SOX6: variants seen among roughly 807,000 people sequenced by gnomAD.
The protein encoded by SOX6 is SRY-box transcription factor 6.
Under a neutral mutation model 97.8 loss-of-function variants are expected in SOX6, and 11 were observed. That is an observed-to-expected ratio of 0.11 (90% CI 0.07 to 0.19). The LOEUF (loss-of-function observed/expected upper bound fraction) is 0.19. Among genes scored for constraint, SOX6 ranks in the 10% least tolerant of loss-of-function variants. The pLI, the probability that SOX6 is intolerant of heterozygous loss-of-function variation, is 1.00. For missense variants in SOX6, 810 were observed against 1,039.5 expected (o/e 0.78, Z 3.04); for synonymous variants, 360 against 371.4 (o/e 0.97, Z 0.35).
intron 1 of SOX6, among the ~76,000 whole-genome samples, chr11:16,367,738 G>A (rs297324): frequency 0.63 from 95,438 of 151,970 alleles, 30,878 homozygotes; most frequent in Non-Finnish European, 0.72. Flanking sequence ...TCAAAATGGC[G>A]CAATGGCTAA....
At chr11:16,620,082 T>C (rs1389452057) in intron 3 of SOX6, among the ~76,000 whole-genome samples, 1 of 152,146 alleles carries the variant, frequency 6.6e-6, no homozygotes, top group African/African-American at 2.4e-5. Context: ...TAGTCCTTGA[T>C]ATTATATTAG....
At chr11:16,723,112 T>C (rs1227323220) in intron 2 of SOX6, among the ~76,000 whole-genome samples, 5 of 152,060 alleles carry the variant, frequency 3.3e-5, no homozygotes, top group Non-Finnish European at 1.5e-5. Context: ...AAAGAAAATA[T>C]AGTACATATA....
intron 13 of SOX6, among the ~76,000 whole-genome samples, chr11:16,008,635 G>A (rs1028709347): frequency 1.3e-5 from 2 of 152,062 alleles, no homozygotes; most frequent in Non-Finnish European, 2.9e-5. Context: ...ACATCACTTG[G>A]AGGGTTCAAT....
intron 6 of SOX6, among the ~76,000 whole-genome samples, chr11:16,178,468 C>T (rs1246919620): frequency 6.6e-6 from 1 of 151,902 alleles, no homozygotes; most frequent in Admixed American, 6.6e-5. Flanking sequence ...CAATTAAAAA[C>T]AGCATACAGC....
chr11:16,641,873 G>A (rs1470099924), intron 3 of SOX6, among the ~76,000 whole-genome samples: 1 of 152,182 alleles, frequency 6.6e-6, no homozygotes, highest in East Asian at 1.9e-4. Context: ...TTGCCAGTCT[G>A]TGTCTTTTAA....
chr11:16,720,761 A>G lies in SOX6; in HGVS notation n.354-5856T>C, dbSNP rs145589330. ...GAAATACTGATATATGAAATAGTTA[A>G]TACTGTATAAAGTATGAGTAATTTT... On this transcript the variant is annotated intron_variant and non_coding_transcript_variant, in intron 2 of 5. Coordinates refer to the SOX6 transcript ENST00000524520. Among the ~76,000 whole-genome samples, 872 of 152,312 alleles carry G rather than the reference A, an allele frequency of 5.7e-3. 6 individuals carry two copies. The highest frequency in any genetic ancestry group is 9.0e-3 in the Non-Finnish European group (615 of 68,032).
chr11:16,155,766 A>G (rs779869469), intron 6 of SOX6, among the ~76,000 whole-genome samples: 5 of 152,066 alleles, frequency 3.3e-5, no homozygotes, highest in Non-Finnish European at 5.9e-5. Context: ...CAAATCTACA[A>G]TCTTTGTTCT....
chr11:16,614,836 T>C (rs1375794835), intron 3 of SOX6, among the ~76,000 whole-genome samples: 1 of 152,224 alleles, frequency 6.6e-6, no homozygotes. Flanking sequence ...AGAATTCTAT[T>C]TATTTCAAGA....
intron 3 of SOX6, among the ~76,000 whole-genome samples, chr11:16,272,162 T>C (rs1286579145): frequency 6.6e-6 from 1 of 151,608 alleles, no homozygotes; most frequent in South Asian, 2.1e-4. Context: ...TGATTTTAAA[T>C]TGTGTTAATG....
At chr11:16,510,600 T>C (rs923867298) in intron 4 of SOX6, among the ~76,000 whole-genome samples, 3 of 152,114 alleles carry the variant, frequency 2.0e-5, no homozygotes, top group African/African-American at 7.2e-5. Flanking sequence ...AATATTTCAT[T>C]GTATAGTATA....
intron 6 of SOX6, among the ~76,000 whole-genome samples, chr11:16,116,867 C>T (rs781017683): frequency 4.6e-5 from 7 of 152,170 alleles, no homozygotes; most frequent in South Asian, 4.1e-4. Context: ...ACTGTGTATG[C>T]GAGGGACCTA....
intron 3 of SOX6, among the ~76,000 whole-genome samples, chr11:16,265,184 C>T (rs772278578): frequency 6.6e-6 from 1 of 151,790 alleles, no homozygotes; most frequent in Non-Finnish European, 1.5e-5. Flanking sequence ...CTACTGAGTA[C>T]GACGGCCAGA....
rs567067065 is a variant in SOX6 at position 16,295,965 on chromosome 11, T to G, written c.445+22481A>C. Among the ~76,000 whole-genome samples the G allele has an allele frequency of 1.8e-4, 27 of 152,236 alleles. No homozygotes were observed. In the South Asian group the frequency reaches 3.9e-3, roughly 22 times the overall value. On this transcript the variant is annotated intron_variant, in intron 3 of 15. Transcript: ENST00000683767. ...GCTATCCTATTTAGTGAGGCATCAC[T>G]GGTGCTGCACAGTAATTGGACTAAA...
At chr11:16,609,546 T>C (rs1037307410) in intron 4 of SOX6, among the ~76,000 whole-genome samples, 1 of 152,214 alleles carries the variant, frequency 6.6e-6, no homozygotes, top group African/African-American at 2.4e-5. Context: ...GAAGACCTCC[T>C]ACAGATGAAG....
chr11:16,351,732 T>G (rs297340), intron 1 of SOX6, among the ~76,000 whole-genome samples: 151,030 of 152,154 alleles, frequency 0.99, 74,966 homozygotes, highest in Middle Eastern at 1. Context: ...ACTATTCCAG[T>G]TAACTACGAT....
intron 3 of SOX6, among the ~76,000 whole-genome samples, chr11:16,685,744 C>T (rs1399551859): frequency 2.0e-5 from 3 of 152,380 alleles, no homozygotes; most frequent in East Asian, 1.9e-4. Flanking sequence ...CTCACAGCTC[C>T]GCTAGGCAAT....
intron 4 of SOX6, among the ~76,000 whole-genome samples, chr11:16,519,607 T>G (rs1342672471): frequency 3.3e-5 from 5 of 152,210 alleles, no homozygotes; most frequent in African/African-American, 7.2e-5. Flanking sequence ...CAACCACTGA[T>G]GGACACTTAA....
chr11:16,574,070 AAT>A (rs1303209624), intron 4 of SOX6, among the ~76,000 whole-genome samples: 1 of 152,190 alleles, frequency 6.6e-6, no homozygotes, highest in African/African-American at 2.4e-5. Flanking sequence ...AAATTTTACT[AAT>A]AGATTAAATG....
At chr11:16,484,043 G>T in intron 4 of SOX6, 1 of 787,254 alleles carries the variant, frequency 1.3e-6, no homozygotes, top group Non-Finnish European at 2.3e-6. Flanking sequence ...TGTCGGGAGA[G>T]CCGAGGGGGC....
Sources: gnomAD v4.1 joint callset for allele counts (sites outside exome capture counted in the v4.1 genomes callset) on GRCh38, gnomAD v4.1.1 for gene constraint, MANE v1.5 for transcripts, NCBI Gene and HGNC (gene_info 2026-07-23, HGNC 2026-07-21) for gene names.